NELL1: variants seen among roughly 807,000 people sequenced by gnomAD.
NELL1 encodes protein kinase C-binding protein NELL1.
In NELL1, 76 loss-of-function variants were observed where a neutral mutation model predicts 107.4. The observed-to-expected ratio is 0.71, with a 90% CI of 0.59 to 0.86. The LOEUF is 0.86. NELL1 is among the 40% of genes least tolerant of loss of function. The pLI is 0.00. For synonymous variants in NELL1, 353 were observed against 341.2 expected (o/e 1.03, Z -0.38); for missense variants, 1,024 against 1,005.5 (o/e 1.02, Z -0.25).
intron 14 of NELL1, among the ~76,000 whole-genome samples, chr11:21,234,473 G>T (rs1418284142): frequency 3.9e-5 from 6 of 152,138 alleles, no homozygotes; most frequent in Admixed American, 6.5e-5. Context: ...TTGGGCGTGG[G>T]ACAGGGAAGT....
chr11:21,039,864 C>G (rs577613595), intron 12 of NELL1, among the ~76,000 whole-genome samples: 16 of 152,026 alleles, frequency 1.1e-4, no homozygotes, highest in Non-Finnish European at 2.4e-4. Context: ...TAACCCACAC[C>G]TTTCTTGGCT....
chr11:21,129,571 C>A (rs1009696768), intron 13 of NELL1, among the ~76,000 whole-genome samples: 3 of 152,098 alleles, frequency 2.0e-5, no homozygotes, highest in Admixed American at 6.5e-5. Flanking sequence ...AATATTATTC[C>A]GTTTTAAAAA....
chr11:21,280,627 C>T (rs766767943), intron 14 of NELL1, among the ~76,000 whole-genome samples: 14 of 152,046 alleles, frequency 9.2e-5, no homozygotes, highest in Non-Finnish European at 1.5e-4. Context: ...CACCAGCCCA[C>T]GGAGGGAGTA....
intron 2 of NELL1, among the ~76,000 whole-genome samples, chr11:20,719,759 CT>C (rs1415345964): frequency 1.3e-5 from 2 of 152,176 alleles, no homozygotes; most frequent in South Asian, 4.1e-4. Context: ...GATAGTGTGA[CT>C]GTTTGGCTAT....
chr11:20,769,568 C>G (rs930986950), intron 2 of NELL1: 1 of 152,260 alleles, frequency 6.6e-6, no homozygotes, highest in Non-Finnish European at 1.5e-5. Flanking sequence ...AGAGAACATA[C>G]TCCACAAATA....
At chr11:21,418,381 G>A (rs1473550261) in intron 15 of NELL1, among the ~76,000 whole-genome samples, 1 of 151,986 alleles carries the variant, frequency 6.6e-6, no homozygotes, top group Non-Finnish European at 1.5e-5. Flanking sequence ...CTACTGATTT[G>A]CCTTAGTAGT....
intron 15 of NELL1, among the ~76,000 whole-genome samples, chr11:21,448,970 A>G (rs1461011770): frequency 6.6e-6 from 1 of 152,150 alleles, no homozygotes; most frequent in East Asian, 1.9e-4. Context: ...CTAAATAGAC[A>G]TTTGTTGTTT....
chr11:21,237,774 T>C (rs1273452834), intron 14 of NELL1, among the ~76,000 whole-genome samples: 1 of 152,122 alleles, frequency 6.6e-6, no homozygotes, highest in Non-Finnish European at 1.5e-5. Context: ...TCAGAGATCC[T>C]TATATTCTCC....
At chr11:21,261,870 T>C (rs1848540730) in intron 14 of NELL1, among the ~76,000 whole-genome samples, 1 of 151,942 alleles carries the variant, frequency 6.6e-6, no homozygotes, top group South Asian at 2.1e-4. Flanking sequence ...TCAATGCTTT[T>C]AACAGATTCA....
intron 15 of NELL1, among the ~76,000 whole-genome samples, chr11:21,485,118 T>C (rs1854592667): frequency 6.6e-6 from 1 of 152,042 alleles, no homozygotes; most frequent in Non-Finnish European, 1.5e-5. Flanking sequence ...CTCACAGCCT[T>C]GAGACTAATA....
chr11:21,063,154 A>G (rs1853783154), intron 12 of NELL1, among the ~76,000 whole-genome samples: 1 of 152,046 alleles, frequency 6.6e-6, no homozygotes, highest in Non-Finnish European at 1.5e-5. Flanking sequence ...AGCTGCTTAT[A>G]GTTTTGTTAA....
At chr11:21,310,756 T>C (rs1849733031) in intron 14 of NELL1, among the ~76,000 whole-genome samples, 1 of 152,000 alleles carries the variant, frequency 6.6e-6, no homozygotes. Flanking sequence ...TGGAATCAGC[T>C]TGTTGATGCT....
chr11:21,324,917 T>C (rs1210055800), intron 14 of NELL1, among the ~76,000 whole-genome samples: 1 of 152,052 alleles, frequency 6.6e-6, no homozygotes, highest in African/African-American at 2.4e-5. Flanking sequence ...GTGTTTGTGT[T>C]TCCCCTTTCT....
chr11:21,057,789 T>TA (rs1853646623), intron 12 of NELL1, among the ~76,000 whole-genome samples: 1 of 152,068 alleles, frequency 6.6e-6, no homozygotes, highest in Non-Finnish European at 1.5e-5. Flanking sequence ...GGATAGTTTT[T>TA]AAAATTTTGC....
At chr11:20,938,449 CAGTA>C (rs1033538088) in intron 10 of NELL1, among the ~76,000 whole-genome samples, 3 of 152,026 alleles carry the variant, frequency 2.0e-5, no homozygotes, top group Non-Finnish European at 2.9e-5. Flanking sequence ...GGGAGAGAGA[CAGTA>C]AGAATTAAAC....
intron 15 of NELL1, among the ~76,000 whole-genome samples, chr11:21,415,367 T>C (rs1246774043): frequency 6.6e-6 from 1 of 152,042 alleles, no homozygotes; most frequent in Non-Finnish European, 1.5e-5. Flanking sequence ...CAGGGTAGGG[T>C]AAATGCCTCT....
chr11:20,678,181 C>T (rs1241449569), intron 2 of NELL1, 121 bp downstream of exon 2: 1 of 1,155,596 alleles, frequency 8.7e-7, no homozygotes, highest in African/African-American at 1.5e-5. Flanking sequence ...GTGTTGCTGT[C>T]TTGAGTGTTT....
intron 3 of NELL1, among the ~76,000 whole-genome samples, chr11:20,818,561 A>G (rs1857678684): frequency 6.6e-6 from 1 of 152,196 alleles, no homozygotes; most frequent in African/African-American, 2.4e-5. Flanking sequence ...AAGACATTTA[A>G]TATTTGAACT....
intron 14 of NELL1, among the ~76,000 whole-genome samples, chr11:21,365,555 T>C (rs929401590): frequency 6.6e-6 from 1 of 152,192 alleles, no homozygotes; most frequent in Admixed American, 6.5e-5. Context: ...CTGTCATTAT[T>C]ATTATGATTA....
Sources: gnomAD v4.1 joint callset for allele counts (sites outside exome capture counted in the v4.1 genomes callset) on GRCh38, gnomAD v4.1.1 for gene constraint, MANE v1.5 for transcripts, NCBI Gene and HGNC (gene_info 2026-07-23, HGNC 2026-07-21) for gene names.